The following NEK9 variants were observed in gnomAD, a reference collection of about 807,000 sequenced individuals.
NEK9 encodes the protein serine/threonine-protein kinase Nek9.
A neutral mutation model predicts 123.4 loss-of-function variants in NEK9; 75 were observed. The ratio of observed to expected loss-of-function variants is 0.61; its 90% confidence interval spans 0.50 to 0.74. The LOEUF is 0.74. NEK9 is among the 30% of genes least tolerant of loss of function. The pLI, the probability that NEK9 is intolerant of heterozygous loss-of-function variation, is 0.00. For synonymous variants in NEK9, 438 were observed against 458.7 expected, an observed-to-expected ratio of 0.95 and a Z score of 0.58; for missense variants, 952 against 1,214.4, an observed-to-expected ratio of 0.78 and a Z score of 3.21.
At chr14:75,094,631 A>G (rs964375327) in intron 18 of NEK9, among the ~76,000 whole-genome samples, 1 of 152,080 alleles carries the variant, frequency 6.6e-6, no homozygotes, top group East Asian at 1.9e-4. Context: ...AATACAAAAA[A>G]TAGCTGAGTG....
chr14:75,111,959 A>C (rs1894971936), intron 8 of NEK9, among the ~76,000 whole-genome samples: 1 of 152,196 alleles, frequency 6.6e-6, no homozygotes, highest in East Asian at 1.9e-4. Context: ...CCAGACAAAA[A>C]TTTTAAATAT....
intron 3 of NEK9, 40 bp from the exon 4 acceptor site, chr14:75,120,620 G>C: frequency 1.3e-6 from 2 of 1,512,170 alleles, no homozygotes; most frequent in Non-Finnish European, 1.8e-6. Flanking sequence ...GAAACAAAAA[G>C]CTCCATTTAA....
Position 75,082,984 on chromosome 14 carries a change from C to T in NEK9, c.*1580G>A, listed in dbSNP as rs947306754. The stretch of plus-strand genomic sequence containing the variant: ...CTGAGAAAACAATGGGAACATCAAA[C>T]CAAAGAAGATCCCATTGAACAGAGT... On this transcript the variant is annotated 3_prime_UTR_variant, in exon 22 of 22. Coordinates refer to ENST00000238616, the MANE Select transcript of NEK9 (RefSeq NM_033116.6). 1.0e-5 allele frequency: 4 copies of T among 398,420 alleles called. No individual in the cohort carries two copies. The highest frequency in any genetic ancestry group is 1.8e-5 in the Non-Finnish European group (4 of 226,036). 24.7% of individuals were successfully genotyped at this position (398,420 alleles called of 1,614,324 possible).
intron 8 of NEK9, 41 bp downstream of exon 8, chr14:75,113,298 T>C: frequency 6.7e-7 from 1 of 1,499,498 alleles, no homozygotes; most frequent in Non-Finnish European, 9.3e-7. Context: ...AAAAGTCAAC[T>C]ATCTCAGAAA....
Position 75,126,743 on chromosome 14 carries a change from C to T in NEK9, c.179G>A (p.Arg60His). ...LHYIPIRVLG[R>H]GAFGEATLYR... ...CAGCGTGGCTTCCCCGAAGGCGCCGCGGCCCAGGACGCGGATGGGGATGTA... is the reference window on the plus strand; with the variant it reads ...CAGCGTGGCTTCCCCGAAGGCGCCGTGGCCCAGGACGCGGATGGGGATGTA... Residue 60 changes from arginine (R) to histidine (H), a missense_variant, in exon 1 of 22, where the codon CGC becomes CAC. Around this residue, in one of 4 missense-constraint regions of NEK9, gnomAD observed 120 missense variants for 97.6 expected, o/e 1.23. Transcript: ENST00000238616. The T allele has an allele frequency of 6.7e-7, 1 of 1,493,774 alleles. No homozygotes were observed. The highest frequency in any genetic ancestry group is 8.9e-7 in the Non-Finnish European group (1 of 1,122,658). The allele number at this position is 1,493,774 out of a possible 1,614,324, so 92.5% of individuals were successfully genotyped here.
intron 8 of NEK9, among the ~76,000 whole-genome samples, chr14:75,111,163 T>C (rs1894947070): frequency 1.3e-5 from 2 of 152,352 alleles, no homozygotes; most frequent in Admixed American, 1.3e-4. Context: ...TCTTTTGCAC[T>C]ACCTCTTGAA....
At position 75,106,044 on chromosome 14, in the gene NEK9, C is replaced by G. The variant is rs372797885; in HGVS notation, c.1529-48G>C. The G allele has an allele frequency of 1.7e-4, 253 of 1,506,574 alleles. No homozygotes were observed. The African/African-American group carries it at 3.2e-3, about 19-fold the overall frequency. 93.3% of individuals were successfully genotyped at this position (1,506,574 alleles called of 1,614,324 possible). ...AATCATTATAATGAGGGCTTCCTTC[C>G]CAGTGAATAGGTTCTGTAAGATTCT... On this transcript the variant is annotated intron_variant, in intron 12 of 21. Transcript: ENST00000238616.
rs1345173843 is a variant in NEK9, at chr14:75,126,791, G to A, written c.131C>T (p.Ala44Val). 3.3e-6 allele frequency: 5 copies of A among 1,530,748 alleles called. No individual in the cohort carries two copies. The Admixed American group carries it at 1.0e-4, about 31-fold the overall frequency. The allele number at this position is 1,530,748 out of a possible 1,614,324, so 94.8% of individuals were successfully genotyped here. Residue 44 changes from alanine to valine, a missense_variant, in exon 1 of 22, where the codon GCG (alanine) becomes GTG (valine). Ala to Val is a moderately conservative substitution (Grantham distance 64). Transcript: ENST00000238616. ...ASQGPRAGGG[A>V]AEQEELHYIP... ...GTAGTGCAGTTCCTCCTGCTCCGCC[G>A]CGCCGCCGCCGGCTCGCGGCCCCTG...
At chr14:75,099,907 G>C (rs903241779) in intron 16 of NEK9, among the ~76,000 whole-genome samples, 4 of 151,308 alleles carry the variant, frequency 2.6e-5, no homozygotes, top group Non-Finnish European at 5.9e-5. Context: ...GAGGTGGGCA[G>C]ATCACGAGGT....
chr14:75,099,355 G>C (rs532405316), intron 16 of NEK9, among the ~76,000 whole-genome samples: 146 of 152,028 alleles, frequency 9.6e-4, no homozygotes, highest in Non-Finnish European at 1.6e-3. Flanking sequence ...TGAAATGTGA[G>C]TTGTTACCAG....
At chr14:75,119,541 G>A (rs1049724850) in intron 4 of NEK9, among the ~76,000 whole-genome samples, 6 of 152,146 alleles carry the variant, frequency 3.9e-5, no homozygotes, top group African/African-American at 1.4e-4. Flanking sequence ...GTCAGATGAG[G>A]AAAATGGTGC....
At chr14:75,104,125 T>A in intron 13 of NEK9, 128 bp from the exon 14 acceptor site, 1 of 926,980 alleles carries the variant, frequency 1.1e-6, no homozygotes, top group Non-Finnish European at 1.6e-6. Context: ...AGGACTGCTC[T>A]ATTCTTTTCA....
chr14:75,095,180 C>G (rs1326278720), intron 18 of NEK9, among the ~76,000 whole-genome samples, 192 bp downstream of exon 18: 1 of 152,212 alleles, frequency 6.6e-6, no homozygotes, highest in South Asian at 2.1e-4. Flanking sequence ...GATGTAGTGT[C>G]TCTCTGACCA....
chr14:75,100,614 G>C (rs968581534), intron 16 of NEK9, among the ~76,000 whole-genome samples: 3 of 152,168 alleles, frequency 2.0e-5, no homozygotes, highest in Non-Finnish European at 4.4e-5. Context: ...CCAGCCAACA[G>C]AGAAAATATG....
chr14:75,123,912 A>G, intron 2 of NEK9, 134 bp downstream of exon 2: 1 of 744,104 alleles, frequency 1.3e-6, no homozygotes, highest in Non-Finnish European at 2.0e-6. Flanking sequence ...AAGGCCTGAA[A>G]AGTTTCTCTT....
At chr14:75,104,835 T>C (rs1374795864) in intron 13 of NEK9, among the ~76,000 whole-genome samples, 2 of 152,200 alleles carry the variant, frequency 1.3e-5, no homozygotes, top group Non-Finnish European at 2.9e-5. Context: ...AAAGAAAAGG[T>C]GACAGTTCCA....
At chr14:75,111,062 A>G (rs371842679) in intron 8 of NEK9, among the ~76,000 whole-genome samples, 3 of 152,172 alleles carry the variant, frequency 2.0e-5, no homozygotes, top group East Asian at 3.9e-4. Flanking sequence ...ATATTGCCAA[A>G]TAACTCTTCC....
intron 19 of NEK9, 73 bp downstream of exon 19, chr14:75,091,197 A>C: frequency 7.8e-7 from 1 of 1,287,882 alleles, no homozygotes; most frequent in Non-Finnish European, 1.1e-6. Context: ...AAACTGAGAG[A>C]CCCTGACAGC....
At chr14:75,121,218 C>A in intron 2 of NEK9, 44 bp from the exon 3 acceptor site, 1 of 1,488,156 alleles carries the variant, frequency 6.7e-7, no homozygotes, top group South Asian at 1.2e-5. Context: ...TAATACAGAT[C>A]AAAGCTTGGC....
Sources: allele counts gnomAD v4.1 joint callset (sites outside exome capture counted in the v4.1 genomes callset), GRCh38; gene constraint gnomAD v4.1.1; regional missense constraint gnomAD v4.1.1; transcripts MANE v1.5; gene names NCBI Gene and HGNC (gene_info 2026-07-23, HGNC 2026-07-21).